Variants in PLXNB2 observed in about 807,000 individuals in gnomAD.
PLXNB2 encodes the protein plexin B2, also known as plexin-B2.
PLXNB2 carries 85 observed loss-of-function variants against 202.6 expected under a neutral mutation model. That is an observed-to-expected ratio of 0.42 (90% CI 0.35 to 0.50). The LOEUF (loss-of-function observed/expected upper bound fraction) is 0.50. Among genes scored for constraint, PLXNB2 ranks in the 20% least tolerant of loss-of-function variants. The pLI is 0.02. For synonymous variants in PLXNB2, 1,239 were observed against 1,137.6 expected, an observed-to-expected ratio of 1.09 and a Z score of -1.79; for missense variants, 2,063 against 2,586.2, an observed-to-expected ratio of 0.80 and a Z score of 4.39.
chr22:50,301,409 G>GCACA (rs112867060), intron 1 of PLXNB2: 841,588 of 983,342 alleles, frequency 0.86, 360,658 homozygotes, highest in African/African-American at 0.88. Flanking sequence ...GGCGCTCGGG[G>GCACA]CACACGAGGC....
At position 50,284,283 on chromosome 22, in the gene PLXNB2, G is replaced by A; in HGVS notation, c.2182-70C>T. ...GGGGCGTGGGGCGGGGGTCACAAGG[G>A]CAGCCTCCCTGTGGCCACCGGGTCC... is the stretch of plus-strand genomic sequence containing the variant. On this transcript the variant is annotated intron_variant, in intron 12 of 36. Transcript: ENST00000359337. The surrounding 1 kb of genome is among the most constrained non-coding windows in gnomAD (Gnocchi z 8.0). 4.9e-6 allele frequency: 7 copies of A among 1,433,898 alleles called. No homozygotes were observed. Among genetic ancestry groups the A allele is most frequent in the Non-Finnish European group, 6.9e-6 (7 of 1,021,246 alleles). 88.8% of individuals were successfully genotyped at this position (1,433,898 alleles called of 1,614,324 possible). A position where few individuals can be genotyped will look rare whatever the true frequency, so the allele number is the denominator to read the frequency against.
chr22:50,307,541 C>T lies in PLXNB2; in HGVS notation c.-74+12G>A. 2.0e-6 allele frequency: 2 copies of T among 981,486 alleles called. No individual in the cohort carries two copies. Among genetic ancestry groups the T allele is most frequent in the Non-Finnish European group, 2.4e-6 (2 of 828,032 alleles). The allele number at this position is 981,486 out of a possible 1,614,324, so 60.8% of individuals were successfully genotyped here. A position where few individuals can be genotyped will look rare whatever the true frequency, so the allele number is the denominator to read the frequency against. On this transcript the variant is annotated intron_variant, in intron 1 of 36. Coordinates refer to ENST00000359337, the MANE Select transcript of PLXNB2 (RefSeq NM_012401.4). Reference sequence around the variant, plus strand: ...AGACGTCCCCCGCAGCCCAGTCCCCCGAGCTCGGTACCTGCACGTCCGCCG... The same window carrying T: ...AGACGTCCCCCGCAGCCCAGTCCCCTGAGCTCGGTACCTGCACGTCCGCCG...
At position 50,287,917 on chromosome 22, in the gene PLXNB2, G is replaced by T; in HGVS notation, c.1481+20C>A. ...GATCCCAGAGGCAGGCCGTGTCCCC[G>T]AGCCACCCCAGGCACTCACCGTCCC... On this transcript the variant is annotated intron_variant, in intron 6 of 36. Transcript: ENST00000359337. 6.3e-7 allele frequency: 1 copy of T among 1,581,782 alleles called. No homozygotes were observed. Among genetic ancestry groups the T allele is most frequent in the Non-Finnish European group, 8.6e-7 (1 of 1,165,966 alleles).
intron 35 of PLXNB2, among the ~76,000 whole-genome samples, chr22:50,276,345 C>T (rs1232241364): frequency 4.6e-5 from 5 of 109,212 alleles, no homozygotes; most frequent in East Asian, 2.7e-4. Flanking sequence ...GCTGTGGGCA[C>T]GGCCGAGGGT....
rs772437014 is a variant in PLXNB2 at position 50,290,065 on chromosome 22, T to C, written c.520A>G (p.Asn174Asp). The change falls in exon 3 of 37, where the codon AAT (asparagine) becomes GAT (aspartate). Residue 174 changes from asparagine (N) to aspartate (D), a missense_variant. Transcript: ENST00000359337. ...GDRVLFVGKG[N>D]GPHDNGIIVS... The stretch of plus-strand genomic sequence containing the variant: ...ATGATGCCGTTGTCGTGTGGCCCAT[T>C]GCCTTTGCCCACAAACAGCACGCGG... 1.9e-6 allele frequency: 3 copies of C among 1,613,240 alleles called. No individual in the cohort carries two copies. In the Admixed American group the frequency reaches 5.0e-5, roughly 27 times the overall value.
At position 50,278,286 on chromosome 22, in the gene PLXNB2, C is replaced by CCCCT. The variant is rs756845977; in HGVS notation, c.4733-16_4733-15insAGGG. The CCCCT allele has an allele frequency of 1.1e-5, 18 of 1,609,926 alleles. No individual in the cohort carries two copies. The South Asian group carries it at 2.0e-4, about 18-fold the overall frequency. ...GAGGGCATGGCCTGTGGGGAGCGGG[C>CCCCT]ACTGAGGGACCCCTACCCAGGTCTG... On this transcript the variant is annotated splice_polypyrimidine_tract_variant and intron_variant, in intron 30 of 36. Transcript: ENST00000359337.
chr22:50,299,248 T>A (rs978251618), intron 1 of PLXNB2, among the ~76,000 whole-genome samples: 2 of 131,940 alleles, frequency 1.5e-5, no homozygotes, highest in Non-Finnish European at 3.1e-5. Flanking sequence ...CCTAGGGCTG[T>A]GCGGCCCTCC....
chr22:50,287,922 A>G lies in PLXNB2; in HGVS notation c.1481+15T>C. ...CAGAGGCAGGCCGTGTCCCCGAGCC[A>G]CCCCAGGCACTCACCGTCCCTCGAC... On this transcript the variant is annotated intron_variant, in intron 6 of 36. Transcript: ENST00000359337. 6.3e-7 allele frequency: 1 copy of G among 1,582,152 alleles called. No homozygotes were observed. The highest frequency in any genetic ancestry group is 8.6e-7 in the Non-Finnish European group (1 of 1,165,992).
In PLXNB2 at chr22:50,290,593, G is replaced by A. The variant is rs377008810; in HGVS notation, c.-9C>T. The A allele has an allele frequency of 1.4e-4, 228 of 1,590,876 alleles. 1 individual carries two copies. Among genetic ancestry groups the A allele is most frequent in the Non-Finnish European group, 1.7e-4 (195 of 1,170,552 alleles). ...CAGAGCTGCAGTGCCATTGCCCCCCGCACCCTGTGGGAAGAGAGAAGGGTC... is the reference window on the plus strand; with the variant it reads ...CAGAGCTGCAGTGCCATTGCCCCCCACACCCTGTGGGAAGAGAGAAGGGTC... On this transcript the variant is annotated 5_prime_UTR_variant, in exon 3 of 37. Coordinates refer to ENST00000359337, the MANE Select transcript of PLXNB2 (RefSeq NM_012401.4).
At chr22:50,279,798 GCTGGGAGGTCAGGGGACTTGGGGC>G (rs749771985) in intron 26 of PLXNB2, 22 bp from the exon 27 acceptor site, 19 of 1,613,242 alleles carry the variant, frequency 1.2e-5, no homozygotes, top group Non-Finnish European at 1.5e-5. Context: ...CGGAGGGGAG[GCTGGGAGGTCAGGGGACTTGGGGC>G]CTGGAAGGGG....
Position 50,278,675 on chromosome 22 carries a change from G to A in PLXNB2, c.4568C>T (p.Ala1523Val). The A allele has an allele frequency of 1.2e-6, 2 of 1,611,942 alleles. No homozygotes were observed. Among genetic ancestry groups the A allele is most frequent in the South Asian group, 1.1e-5 (1 of 90,944 alleles). The change falls in exon 29 of 37, where the codon GCG becomes GTG. Residue 1523 changes from alanine (A) to valine (V), a missense_variant. Physicochemically the swap from Ala to Val is moderately conservative, Grantham distance 64. Around this residue, in one of 2 missense-constraint regions of PLXNB2, gnomAD observed 760 missense variants for 1,109.4 expected, o/e 0.69. Transcript: ENST00000359337. The stretch of plus-strand genomic sequence containing the variant: ...CAGGTCCAGGTCCGACAGGATCTGC[G>A]CTGTGGAGCCCGGACGCCACTCTGT... Reference protein sequence around the residue: ...VVLEWRPGSTAQILSDLDLTS... With the variant: ...VVLEWRPGSTVQILSDLDLTS...
Position 50,290,388 on chromosome 22 carries a change from T to C in PLXNB2, c.197A>G (p.Gln66Arg). The C allele has an allele frequency of 6.2e-7, 1 of 1,612,942 alleles. No homozygotes were observed. Among genetic ancestry groups the C allele is most frequent in the Non-Finnish European group, 8.5e-7 (1 of 1,179,982 alleles). ...GTCCAGGGCCGGGCCCGTGGCCACC[T>C]GCTGCTCCAGCTGCAGCTTCGCATC... The part of the protein sequence containing the change: ...QLDAKLQLEQ[Q>R]VATGPALDNK... Residue 66 changes from glutamine (Q) to arginine (R), a missense_variant, in exon 3 of 37, where the codon CAG becomes CGG. Coordinates refer to ENST00000359337, the MANE Select transcript of PLXNB2 (RefSeq NM_012401.4).
Position 50,279,780 on chromosome 22 carries a change from G to T in PLXNB2, c.4243-4C>A. On this transcript the variant is annotated splice_polypyrimidine_tract_variant and splice_region_variant and intron_variant, in intron 26 of 36. Coordinates refer to ENST00000359337, the MANE Select transcript of PLXNB2 (RefSeq NM_012401.4). Reference sequence around the variant, plus strand: ...ACAGGGGCTCCCCGGCACTGTCCTGGAGTAACACGGAGGGGAGGCTGGGAG... The same window carrying T: ...ACAGGGGCTCCCCGGCACTGTCCTGTAGTAACACGGAGGGGAGGCTGGGAG... The T allele has an allele frequency of 6.2e-7, 1 of 1,613,754 alleles. No homozygotes were observed. The highest frequency in any genetic ancestry group is 1.1e-5 in the South Asian group (1 of 91,084).
intron 1 of PLXNB2, among the ~76,000 whole-genome samples, chr22:50,298,323 C>T (rs977009794): frequency 4.6e-5 from 7 of 152,116 alleles, no homozygotes; most frequent in African/African-American, 1.7e-4. Context: ...GCAGCAGGAG[C>T]TGCTTGCTGG....
At position 50,283,605 on chromosome 22, in the gene PLXNB2, G is replaced by A. The variant is rs759339200; in HGVS notation, c.2567C>T (p.Thr856Ile). 3.7e-6 allele frequency: 6 copies of A among 1,612,560 alleles called. No homozygotes were observed. In the South Asian group the frequency reaches 5.5e-5, roughly 15 times the overall value. Residue 856 changes from threonine to isoleucine, a missense_variant, in exon 15 of 37, where the codon ACC becomes ATC. This residue lies in a region of PLXNB2 where 1,303 missense variants were observed against 1,476.8 expected (regional missense o/e 0.88). Coordinates refer to ENST00000359337, the MANE Select transcript of PLXNB2 (RefSeq NM_012401.4). ...CAGACCAGGGCCGTCCACTCACCGG[G>A]TGGACACGGAGTAACGTTCCGGCTG... ...SFQPERYSVS[T>I]RIVCVIEAAE...
chr22:50,291,973 A>T lies in PLXNB2; in HGVS notation c.-13-1376T>A, dbSNP rs907184728. 6.6e-6 allele frequency among the ~76,000 whole-genome samples: 1 copy of T among 152,186 alleles called. No individual in the cohort carries two copies. The highest frequency in any genetic ancestry group is 2.4e-5 in the African/African-American group (1 of 41,460). ...TCCAGAGGGACTGCCACATCCTCTC[A>T]GGCCACCACAAGTGTCACCTCCCTG... On this transcript the variant is annotated intron_variant, in intron 2 of 36. Transcript: ENST00000359337. This position sits in a 1 kb window ranked among gnomAD's most constrained non-coding sequence, Gnocchi z 4.3.
At chr22:50,302,692 C>T (rs1192758600) in intron 1 of PLXNB2, among the ~76,000 whole-genome samples, 1 of 152,150 alleles carries the variant, frequency 6.6e-6, no homozygotes, top group East Asian at 1.9e-4. Flanking sequence ...CTCCCCTGGC[C>T]AATCTCTGAG....
chr22:50,283,401 C>T lies in PLXNB2; in HGVS notation c.2615G>A (p.Gly872Asp), dbSNP rs763230043. 3.7e-6 allele frequency: 6 copies of T among 1,613,212 alleles called. No individual in the cohort carries two copies. The highest frequency in any genetic ancestry group is 5.1e-6 in the Non-Finnish European group (6 of 1,179,872). The change falls in exon 16 of 37, where the codon GGT (glycine) becomes GAT (aspartate). Residue 872 changes from glycine (G) to aspartate (D), a missense_variant. By Grantham distance (94) the Gly-to-Asp change is moderately conservative. Around this residue, in one of 2 missense-constraint regions of PLXNB2, gnomAD observed 1,303 missense variants for 1,476.8 expected, o/e 0.88. Transcript: ENST00000359337. Reference sequence around the variant, plus strand: ...TTTCCCGAAGACGTCCACCTCGACACCCCCCGTGAAAGGCGTCTCCGCAGC... The same window carrying T: ...TTTCCCGAAGACGTCCACCTCGACATCCCCCGTGAAAGGCGTCTCCGCAGC... ...IEAAETPFTG[G>D]VEVDVFGKLG...
At chr22:50,278,035 C>T (rs777976076) in intron 31 of PLXNB2, 22 bp from the exon 32 acceptor site, 5 of 1,607,634 alleles carry the variant, frequency 3.1e-6, no homozygotes, top group Admixed American at 1.7e-5. Flanking sequence ...AGGGTCTCAG[C>T]GTGACGCCGT....
Sources: gnomAD v4.1 joint callset for allele counts (sites outside exome capture counted in the v4.1 genomes callset) on GRCh38, gnomAD v4.1.1 for gene constraint, gnomAD v4.1.1 regional missense constraint, Gnocchi (gnomAD v3.1) non-coding constraint, MANE v1.5 for transcripts, NCBI Gene and HGNC (gene_info 2026-07-23, HGNC 2026-07-21) for gene names.